The following FREM1 variants were observed in gnomAD, a reference collection of about 807,000 sequenced individuals.
FREM1 encodes the protein FRAS1-related extracellular matrix protein 1.
FREM1 carries 220 observed loss-of-function variants against 210.1 expected under a neutral mutation model. That is an observed-to-expected ratio of 1.05 (90% confidence interval 0.94 to 1.17). The LOEUF is 1.17. Ranked by LOEUF, FREM1 falls within the 50% of genes most tolerant of loss-of-function variation. The pLI is 0.00. For synonymous variants in FREM1, 1,189 were observed against 980.2 expected (o/e 1.21, Z -3.98); for missense variants, 3,454 against 2,675.5 (o/e 1.29, Z -6.42).
At chr9:14,741,290 G>A (rs564333149) in intron 35 of FREM1, among the ~76,000 whole-genome samples, 1 of 152,096 alleles carries the variant, frequency 6.6e-6, no homozygotes, top group Non-Finnish European at 1.5e-5. Context: ...TCAAAATTCA[G>A]ATCTATTTCT....
chr9:14,747,231 A>G, intron 33 of FREM1, 33 bp downstream of exon 33: 1 of 1,603,274 alleles, frequency 6.2e-7, no homozygotes, highest in Non-Finnish European at 8.5e-7. Flanking sequence ...AACTTGTTAT[A>G]AGGTGAGTAA....
In FREM1 at chr9:14,859,490, G is replaced by A; in HGVS notation, c.330-6C>T. On this transcript the variant is annotated splice_region_variant and splice_polypyrimidine_tract_variant and intron_variant, in intron 3 of 36. Coordinates refer to ENST00000380880, the MANE Select transcript of FREM1 (RefSeq NM_001379081.2). ...AGGTATCTCTTTCAGTAAATCTGTG[G>A]AGAACACAGGGCAAAAGCAATATTA... 1 of 1,607,346 alleles carries A rather than the reference G, an allele frequency of 6.2e-7. No individual in the cohort carries two copies. Among genetic ancestry groups the A allele is most frequent in the South Asian group, 1.1e-5 (1 of 90,094 alleles).
chr9:14,808,707 G>C (rs1483770145), intron 16 of FREM1, among the ~76,000 whole-genome samples: 1 of 152,156 alleles, frequency 6.6e-6, no homozygotes, highest in African/African-American at 2.4e-5. Context: ...ACAGTCTGTG[G>C]AAAAGAAGAG....
chr9:14,744,576 C>T (rs1842096607), intron 35 of FREM1, among the ~76,000 whole-genome samples: 1 of 151,826 alleles, frequency 6.6e-6, no homozygotes, highest in Non-Finnish European at 1.5e-5. Context: ...TATTTTATTC[C>T]ATCACTTATA....
chr9:14,789,243 T>C, intron 22 of FREM1, 129 bp from the exon 23 acceptor site: 1 of 567,086 alleles, frequency 1.8e-6, no homozygotes, highest in Non-Finnish European at 2.9e-6. Flanking sequence ...TCCAGACTAC[T>C]TTTTGCCACT....
intron 5 of FREM1, among the ~76,000 whole-genome samples, chr9:14,853,164 A>G (rs1353799304): frequency 6.6e-6 from 1 of 152,170 alleles, no homozygotes; most frequent in Non-Finnish European, 1.5e-5. Context: ...ACACACAGAG[A>G]GCTGATGCAG....
intron 1 of FREM1, among the ~76,000 whole-genome samples, chr9:14,909,696 G>A (rs1012770949): frequency 1.3e-5 from 2 of 152,204 alleles, no homozygotes; most frequent in South Asian, 4.1e-4. Context: ...TTTGTGTCAC[G>A]TAATAAAAAG....
At chr9:14,884,931 T>TTTA (rs1835505142) in intron 1 of FREM1, among the ~76,000 whole-genome samples, 1 of 137,944 alleles carries the variant, frequency 7.2e-6, no homozygotes, top group Non-Finnish European at 1.6e-5. Context: ...TTTTTTTTTT[T>TTTA]TTTTTTTTTT....
intron 29 of FREM1, among the ~76,000 whole-genome samples, chr9:14,755,927 T>C (rs1844258753): frequency 6.6e-6 from 1 of 152,196 alleles, no homozygotes; most frequent in Non-Finnish European, 1.5e-5. Flanking sequence ...TAAATAATAA[T>C]TTCCCCTGGA....
chr9:14,770,817 A>C lies in FREM1; in HGVS notation c.4858-11T>G. On this transcript the variant is annotated splice_polypyrimidine_tract_variant and intron_variant, in intron 25 of 36. Coordinates refer to ENST00000380880, the MANE Select transcript of FREM1 (RefSeq NM_001379081.2). ...GTCCAATTGGTCTACCTGGATCATC[A>C]ACAATGACATAAAATGTTGTCCAAA... 1 of 1,602,018 alleles carries C rather than the reference A, an allele frequency of 6.2e-7. No homozygotes were observed. The highest frequency in any genetic ancestry group is 8.5e-7 in the Non-Finnish European group (1 of 1,172,088).
rs1874106 is a variant in FREM1 at position 14,813,984 on chromosome 9, C to A, written c.2641-920G>T. Among the ~76,000 whole-genome samples the A allele has an allele frequency of 7.6e-3, 1,164 of 152,248 alleles. 7 individuals are homozygous for A. The highest frequency in any genetic ancestry group is 0.017 in the African/African-American group (689 of 41,536). ...AGTATTTCTCTGGCCTTATCCCATG[C>A]TATGGGGTGCCTTTGCCACTCCACT... On this transcript the variant is annotated intron_variant, in intron 15 of 36. Coordinates refer to ENST00000380880, the MANE Select transcript of FREM1 (RefSeq NM_001379081.2).
chr9:14,859,515 A>T (rs1224598627), intron 3 of FREM1, 31 bp from the exon 4 acceptor site: 1 of 1,571,702 alleles, frequency 6.4e-7, no homozygotes, highest in Non-Finnish European at 8.7e-7. Context: ...AAGCAATATT[A>T]ATTGGTGCTC....
At chr9:14,785,116 G>A (rs189528850) in intron 23 of FREM1, among the ~76,000 whole-genome samples, 6 of 152,160 alleles carry the variant, frequency 3.9e-5, no homozygotes, top group Non-Finnish European at 5.9e-5. Context: ...GCCCTGCTAC[G>A]CTTGGAGACA....
intron 10 of FREM1, among the ~76,000 whole-genome samples, chr9:14,832,062 C>G (rs574838226): frequency 5.3e-5 from 8 of 152,218 alleles, no homozygotes; most frequent in Non-Finnish European, 1.2e-4. Flanking sequence ...CATGCACTCC[C>G]CTGGAACATA....
chr9:14,764,916 G>C (rs996589566), intron 27 of FREM1, among the ~76,000 whole-genome samples: 15 of 152,268 alleles, frequency 9.9e-5, no homozygotes, highest in Admixed American at 9.8e-4. Flanking sequence ...AAGATATTTA[G>C]CCTGTCTATG....
intron 25 of FREM1, among the ~76,000 whole-genome samples, chr9:14,774,630 C>T (rs10961698): frequency 0.019 from 2,847 of 150,850 alleles, 38 homozygotes; most frequent in Non-Finnish European, 0.031. Context: ...TAAATTTTAT[C>T]TATTTTGTGT....
In FREM1 at chr9:14,823,343, A is replaced by G. The variant is rs1047053230; in HGVS notation, c.2170-16T>C. The stretch of plus-strand genomic sequence containing the variant: ...TCACAGCATGCTGCAAAGTAAGTTG[A>G]GATGGATATGTGGGTGCTGACTTGC... On this transcript the variant is annotated splice_polypyrimidine_tract_variant and intron_variant, in intron 12 of 36. Coordinates refer to ENST00000380880, the MANE Select transcript of FREM1 (RefSeq NM_001379081.2). The G allele has an allele frequency of 1.2e-6, 2 of 1,608,904 alleles. No homozygotes were observed. Among genetic ancestry groups the G allele is most frequent in the Non-Finnish European group, 1.7e-6 (2 of 1,176,890 alleles).
At chr9:14,751,530 C>T (rs1469693949) in intron 29 of FREM1, among the ~76,000 whole-genome samples, 4 of 152,112 alleles carry the variant, frequency 2.6e-5, no homozygotes, top group Non-Finnish European at 4.4e-5. Context: ...CGTGGTGGCA[C>T]GTGCCTGTGA....
chr9:14,883,857 C>T (rs1181934044), intron 1 of FREM1, among the ~76,000 whole-genome samples: 4 of 152,166 alleles, frequency 2.6e-5, no homozygotes, highest in African/African-American at 9.7e-5. Flanking sequence ...TCAGGGTCGG[C>T]AGAATTATTG....
Sources: allele counts gnomAD v4.1 joint callset (sites outside exome capture counted in the v4.1 genomes callset), GRCh38; gene constraint gnomAD v4.1.1; transcripts MANE v1.5; gene names NCBI Gene and HGNC (gene_info 2026-07-23, HGNC 2026-07-21).